The following KCTD8 variants were observed in gnomAD, a reference collection of about 807,000 sequenced individuals.
The protein encoded by KCTD8 is BTB/POZ domain-containing protein KCTD8.
Under a neutral mutation model 31.5 loss-of-function variants are expected in KCTD8, and 27 were observed. That is an observed-to-expected ratio of 0.86 (90% CI 0.63 to 1.18). KCTD8 has a LOEUF of 1.18. KCTD8 is among the 50% of genes most tolerant of loss of function. The pLI, the probability that KCTD8 is intolerant of heterozygous loss-of-function variation, is 0.00. For synonymous variants in KCTD8, 290 were observed against 280.0 expected (o/e 1.04, Z -0.36); for missense variants, 658 against 647.7 (o/e 1.02, Z -0.17).
At chr4:44,442,402 C>A (rs961238556) in intron 1 of KCTD8, among the ~76,000 whole-genome samples, 1 of 152,038 alleles carries the variant, frequency 6.6e-6, no homozygotes, top group African/African-American at 2.4e-5. Context: ...GCCTGTCCAA[C>A]ACGGTGAAAC....
chr4:44,348,432 T>C (rs1257228358), intron 1 of KCTD8, among the ~76,000 whole-genome samples: 1 of 152,090 alleles, frequency 6.6e-6, no homozygotes, highest in Non-Finnish European at 1.5e-5. Flanking sequence ...AAATGCAAAC[T>C]ACAGTGAAAA....
intron 1 of KCTD8, among the ~76,000 whole-genome samples, chr4:44,249,749 T>G (rs974136187): frequency 6.6e-6 from 1 of 151,578 alleles, no homozygotes; most frequent in African/African-American, 2.4e-5. Context: ...CCATGTCTCC[T>G]TCTCCCTTTC....
intron 1 of KCTD8, among the ~76,000 whole-genome samples, chr4:44,436,604 C>T (rs903970769): frequency 6.6e-6 from 1 of 151,880 alleles, no homozygotes; most frequent in Non-Finnish European, 1.5e-5. Context: ...TTTAAATATG[C>T]ATTTTTAGAT....
chr4:44,304,365 A>G (rs1432777309), intron 1 of KCTD8, among the ~76,000 whole-genome samples: 3 of 152,186 alleles, frequency 2.0e-5, no homozygotes, highest in Non-Finnish European at 4.4e-5. Context: ...GAGGTAAAGT[A>G]GATGGCCTGC....
At chr4:44,446,707 A>AGTG (rs769481923) in intron 1 of KCTD8, among the ~76,000 whole-genome samples, 4 of 152,186 alleles carry the variant, frequency 2.6e-5, no homozygotes, top group Non-Finnish European at 5.9e-5. Flanking sequence ...ACCCTGAGAA[A>AGTG]GTGGACTCAA....
intron 1 of KCTD8, among the ~76,000 whole-genome samples, chr4:44,178,238 T>C (rs7682250): frequency 0.026 from 3,938 of 152,254 alleles, 76 homozygotes; most frequent in Non-Finnish European, 0.042. Flanking sequence ...AGTATAATGA[T>C]TCTCAACAAT....
chr4:44,222,079 G>A (rs777160408), intron 1 of KCTD8, among the ~76,000 whole-genome samples: 2 of 152,172 alleles, frequency 1.3e-5, no homozygotes, highest in Non-Finnish European at 2.9e-5. Context: ...AAGATGAGGG[G>A]TCAGGAATGA....
chr4:44,442,341 C>G (rs1469944246), intron 1 of KCTD8, among the ~76,000 whole-genome samples: 1 of 152,026 alleles, frequency 6.6e-6, no homozygotes, highest in African/African-American at 2.4e-5. Context: ...AATCCCAGCA[C>G]TTTGGGAGTC....
intron 1 of KCTD8, among the ~76,000 whole-genome samples, chr4:44,424,159 A>G (rs1721289562): frequency 6.6e-6 from 1 of 151,682 alleles, no homozygotes; most frequent in Non-Finnish European, 1.5e-5. Context: ...ACGGGGTGAC[A>G]ATGTTTACCA....
At chr4:44,292,287 G>A (rs1487156913) in intron 1 of KCTD8, among the ~76,000 whole-genome samples, 1 of 152,110 alleles carries the variant, frequency 6.6e-6, no homozygotes, top group Non-Finnish European at 1.5e-5. Context: ...GGAATACTAT[G>A]CAACCATAAA....
chr4:44,430,338 G>T (rs759307360), intron 1 of KCTD8, among the ~76,000 whole-genome samples: 39 of 151,638 alleles, frequency 2.6e-4, no homozygotes, highest in Non-Finnish European at 5.0e-4. Context: ...TGTCACTGCA[G>T]TTATAAAACT....
At chr4:44,266,180 C>T (rs1203981910) in intron 1 of KCTD8, among the ~76,000 whole-genome samples, 1 of 152,156 alleles carries the variant, frequency 6.6e-6, no homozygotes, top group Non-Finnish European at 1.5e-5. Flanking sequence ...GCCCATCAGA[C>T]TAACAGCGGA....
chr4:44,220,477 C>T (rs1342770496), intron 1 of KCTD8, among the ~76,000 whole-genome samples: 2 of 152,194 alleles, frequency 1.3e-5, no homozygotes, highest in African/African-American at 4.8e-5. Context: ...ACACTAGTCA[C>T]TGCCCTTTCA....
chr4:44,409,009 G>A (rs879525536), intron 1 of KCTD8, among the ~76,000 whole-genome samples: 5 of 151,732 alleles, frequency 3.3e-5, no homozygotes, highest in Non-Finnish European at 7.4e-5. Context: ...TTGGGAGACC[G>A]AGGTGGGAGG....
chr4:44,300,614 G>A (rs1052594038), intron 1 of KCTD8, among the ~76,000 whole-genome samples: 1 of 152,126 alleles, frequency 6.6e-6, no homozygotes, highest in East Asian at 1.9e-4. Flanking sequence ...TGCAACAAGA[G>A]AATGTACTGT....
chr4:44,245,878 C>T (rs765175709), intron 1 of KCTD8, among the ~76,000 whole-genome samples: 53 of 151,912 alleles, frequency 3.5e-4, no homozygotes, highest in Non-Finnish European at 7.4e-4. Flanking sequence ...AATAGAGATT[C>T]AGAACAAAAT....
intron 1 of KCTD8, among the ~76,000 whole-genome samples, chr4:44,204,127 T>C (rs1481206538): frequency 6.6e-6 from 1 of 151,970 alleles, no homozygotes; most frequent in Non-Finnish European, 1.5e-5. Flanking sequence ...CTAAATAAAT[T>C]TTGAATATAA....
At chr4:44,227,758 T>C (rs1169912682) in intron 1 of KCTD8, among the ~76,000 whole-genome samples, 1 of 152,194 alleles carries the variant, frequency 6.6e-6, no homozygotes, top group Non-Finnish European at 1.5e-5. Flanking sequence ...GAGTTGATTC[T>C]TTCCTTTCCC....
At chr4:44,355,995 A>T (rs551198547) in intron 1 of KCTD8, among the ~76,000 whole-genome samples, 2 of 152,156 alleles carry the variant, frequency 1.3e-5, no homozygotes, top group Non-Finnish European at 2.9e-5. Flanking sequence ...TGACCACTAA[A>T]CTTAGAATAC....
Sources: allele counts gnomAD v4.1 joint callset (sites outside exome capture counted in the v4.1 genomes callset), GRCh38; gene constraint gnomAD v4.1.1; transcripts MANE v1.5; gene names NCBI Gene and HGNC (gene_info 2026-07-23, HGNC 2026-07-21).